CT55: variants seen among roughly 807,000 people sequenced by gnomAD.
CT55 encodes cancer/testis antigen 55.
In CT55, 1 loss-of-function variant was observed where a neutral mutation model predicts 12.6. The ratio of observed to expected loss-of-function variants is 0.08; its 90% confidence interval spans 0.03 to 0.38. CT55 has a LOEUF of 0.38. CT55 is among the 10% of genes least tolerant of loss of function. The probability of loss-of-function intolerance (pLI) is 0.99; values close to 1 mark genes in which losing one functional copy is unlikely to be tolerated. For synonymous variants in CT55, 43 were observed against 49.7 expected, an observed-to-expected ratio of 0.87 and a Z score of 0.57; for missense variants, 109 against 135.4, an observed-to-expected ratio of 0.80 and a Z score of 0.97.
At chrX:135,160,123 A>G in intron 3 of CT55, among the ~76,000 whole-genome samples, 1 of 111,976 alleles carries the variant, frequency 8.9e-6, no homozygotes, top group Non-Finnish European at 1.9e-5. Context: ...GTCTCTATGC[A>G]CTTGTAGGAT....
At chrX:135,165,377 A>T (rs782126024) in intron 2 of CT55, among the ~76,000 whole-genome samples, 3 of 112,092 alleles carry the variant, frequency 2.7e-5, no homozygotes, top group African/African-American at 9.7e-5. Context: ...ACATTTCTTG[A>T]GTTGAAGCAA....
chrX:135,158,481 TA>T (rs1556404560), intron 3 of CT55, among the ~76,000 whole-genome samples, 170 bp from the exon 4 acceptor site: 1 of 112,717 alleles, frequency 8.9e-6, no homozygotes, highest in African/African-American at 3.2e-5. Context: ...AAAAGAAGTT[TA>T]TAATCCTTAG....
At position 135,171,146 on chromosome X, in the gene CT55, A is replaced by G. The variant is rs782261203; in HGVS notation, c.26T>C (p.Leu9Ser). The change falls in exon 1 of 6, where the codon TTG becomes TCG. Residue 9 changes from leucine to serine, a missense_variant. By Grantham distance (145) the Leu-to-Ser change is moderately radical. Transcript: ENST00000276241. MLRLLRLALAFYGRTADPA... is the reference protein window; with the variant it reads MLRLLRLASAFYGRTADPA... ...GTCGGCCGTCCTCCCGTAGAAGGCCAAAGCAAGTCTCAGAAGCCTGAGCAT... is the reference window on the plus strand; with the variant it reads ...GTCGGCCGTCCTCCCGTAGAAGGCCGAAGCAAGTCTCAGAAGCCTGAGCAT... The G allele has an allele frequency of 1.7e-6, 2 of 1,209,995 alleles. No individual in the cohort carries two copies. The highest frequency in any genetic ancestry group is 3.5e-5 in the African/African-American group (2 of 57,174).
intron 2 of CT55, 63 bp downstream of exon 2, chrX:135,169,531 G>A: frequency 1.1e-6 from 1 of 921,813 alleles, no homozygotes; most frequent in Non-Finnish European, 1.5e-6. Flanking sequence ...CTCAAGAAAA[G>A]AAAGATGGAG....
At chrX:135,160,606 T>C (rs781798773) in intron 2 of CT55, 51 bp from the exon 3 acceptor site, 9 of 1,136,782 alleles carry the variant, frequency 7.9e-6, no homozygotes, top group South Asian at 2.1e-5. Flanking sequence ...AATTTAAACA[T>C]GGAACTTACA....
intron 2 of CT55, among the ~76,000 whole-genome samples, chrX:135,166,125 C>T (rs1158154616): frequency 6.8e-5 from 7 of 103,298 alleles, no homozygotes; most frequent in African/African-American, 2.5e-4. Flanking sequence ...TGGTAGAAAA[C>T]CCAGATGAGG....
chrX:135,164,126 C>T (rs112336234), intron 2 of CT55, among the ~76,000 whole-genome samples: 2,821 of 111,657 alleles, frequency 0.025, 92 homozygotes, highest in African/African-American at 0.087. Context: ...GTAAAGGTAA[C>T]GACACAAATT....
intron 1 of CT55, 25 bp downstream of exon 1, chrX:135,171,053 G>A: frequency 8.3e-7 from 1 of 1,208,211 alleles, no homozygotes; most frequent in Non-Finnish European, 1.1e-6. Flanking sequence ...TGGGGTGGGG[G>A]ACAAGGGGAC....
intron 2 of CT55, among the ~76,000 whole-genome samples, chrX:135,162,692 C>T (rs2083567695): frequency 9.0e-6 from 1 of 111,256 alleles, no homozygotes; most frequent in Non-Finnish European, 1.9e-5. Flanking sequence ...GCCTAGGAAC[C>T]CAATATCAGG....
At chrX:135,163,394 A>T (rs1450073740) in intron 2 of CT55, among the ~76,000 whole-genome samples, 1 of 112,611 alleles carries the variant, frequency 8.9e-6, no homozygotes, top group Non-Finnish European at 1.9e-5. Context: ...AAGCAAATCC[A>T]GAAGTTGAAA....
intron 3 of CT55, among the ~76,000 whole-genome samples, chrX:135,159,496 A>G (rs1281693912): frequency 1.8e-5 from 2 of 111,210 alleles, no homozygotes; most frequent in African/African-American, 3.3e-5. Flanking sequence ...GAGGTACCTT[A>G]GACTCATTTT....
chrX:135,163,966 G>A (rs1463694540), intron 2 of CT55, among the ~76,000 whole-genome samples: 1 of 111,458 alleles, frequency 9.0e-6, no homozygotes, highest in Non-Finnish European at 1.9e-5. Context: ...GCAGTGAAGG[G>A]GAGATAAAGA....
chrX:135,166,477 A>G (rs2083585862), intron 2 of CT55, among the ~76,000 whole-genome samples: 1 of 111,809 alleles, frequency 8.9e-6, no homozygotes, highest in African/African-American at 3.3e-5. Context: ...AAGGTCATAT[A>G]TGATAAACCC....
chrX:135,165,049 G>A (rs2083577466), intron 2 of CT55, among the ~76,000 whole-genome samples: 1 of 112,199 alleles, frequency 8.9e-6, no homozygotes, highest in African/African-American at 3.2e-5. Context: ...CCCACAAAAA[G>A]TGGGATTTAT....
In CT55 at chrX:135,171,349, C is replaced by T; in HGVS notation, c.-178G>A. ...GAGCCCCCCTCAGGAGAGTCAGGGA[C>T]ACCGCAGCCTCCAAAGGAGCTCCCA... On this transcript the variant is annotated 5_prime_UTR_variant, in exon 1 of 6. Transcript: ENST00000276241. 1.1e-6 allele frequency: 1 copy of T among 905,657 alleles called. No homozygotes were observed. 74.6% of individuals were successfully genotyped at this position (905,657 alleles called of 1,213,427 possible).
chrX:135,170,812 G>A (rs1556406684), intron 1 of CT55, among the ~76,000 whole-genome samples: 1 of 111,865 alleles, frequency 8.9e-6, no homozygotes, highest in Non-Finnish European at 1.9e-5. Context: ...GCGACCACGT[G>A]GGGGAAAAGC....
At chrX:135,163,972 A>G (rs1556405569) in intron 2 of CT55, among the ~76,000 whole-genome samples, 1 of 111,788 alleles carries the variant, frequency 8.9e-6, no homozygotes. Flanking sequence ...AAGGGGAGAT[A>G]AAGACTTTTA....
At chrX:135,166,451 GCAC>G (rs2083585653) in intron 2 of CT55, among the ~76,000 whole-genome samples, 1 of 111,508 alleles carries the variant, frequency 9.0e-6, no homozygotes, top group Non-Finnish European at 1.9e-5. Flanking sequence ...TAAGAGGAGT[GCAC>G]CTCAACACAA....
At chrX:135,160,310 G>A (rs1248178187) in intron 3 of CT55, 101 bp downstream of exon 3, 16 of 856,234 alleles carry the variant, frequency 1.9e-5, no homozygotes, top group South Asian at 2.7e-5. Flanking sequence ...ACACTGAAGA[G>A]CCATTGACTG....
Sources: gnomAD v4.1 joint callset for allele counts (sites outside exome capture counted in the v4.1 genomes callset) on GRCh38, gnomAD v4.1.1 for gene constraint, MANE v1.5 for transcripts, NCBI Gene and HGNC (gene_info 2026-07-23, HGNC 2026-07-21) for gene names.